NCKAP5: variants seen among roughly 807,000 people sequenced by gnomAD.
The protein encoded by NCKAP5 is NCK associated protein 5.
A neutral mutation model predicts 167.0 loss-of-function variants in NCKAP5; 92 were observed. The observed-to-expected ratio is 0.55, with a 90% CI of 0.47 to 0.66. The LOEUF (loss-of-function observed/expected upper bound fraction) is 0.66, where lower values mean the gene tolerates loss of function less well. Ranked by LOEUF, NCKAP5 falls within the 30% of genes least tolerant of loss-of-function variation. The pLI is 0.00. For missense variants in NCKAP5, 2,378 were observed against 2,315.0 expected (o/e 1.03, Z -0.56); for synonymous variants, 891 against 877.4 (o/e 1.02, Z -0.27).
chr2:133,090,498 C>A (rs539315849), intron 6 of NCKAP5, among the ~76,000 whole-genome samples: 7 of 152,054 alleles, frequency 4.6e-5, no homozygotes, highest in Non-Finnish European at 1.0e-4. Flanking sequence ...TGGCTGGCAG[C>A]CACCAGAAGC....
chr2:133,504,533 C>G (rs987681400), intron 3 of NCKAP5, among the ~76,000 whole-genome samples: 6 of 151,908 alleles, frequency 3.9e-5, no homozygotes, highest in African/African-American at 9.7e-5. Flanking sequence ...ATGTTTCTGC[C>G]TGATTCAAGT....
intron 3 of NCKAP5, among the ~76,000 whole-genome samples, chr2:133,439,913 A>G (rs1358633221): frequency 6.6e-6 from 1 of 152,222 alleles, no homozygotes. Context: ...TAATACTGGG[A>G]CTGTCCAGGA....
the NCKAP5 span, among the ~76,000 whole-genome samples, chr2:133,666,387 G>A: frequency 2.6e-5 from 4 of 151,648 alleles, no homozygotes; most frequent in East Asian, 5.8e-4. Flanking sequence ...TAGTAGGGAC[G>A]GGGTTTCAAC....
At chr2:133,278,818 G>T (rs1208910743) in intron 4 of NCKAP5, among the ~76,000 whole-genome samples, 1 of 150,874 alleles carries the variant, frequency 6.6e-6, no homozygotes, top group Admixed American at 6.6e-5. Flanking sequence ...AAATAAGGGG[G>T]AAAGGCCAAA....
intron 2 of NCKAP5, among the ~76,000 whole-genome samples, chr2:133,555,866 A>G (rs1687704967): frequency 6.6e-6 from 1 of 152,250 alleles, no homozygotes; most frequent in Non-Finnish European, 1.5e-5. Context: ...CCAAAATTGG[A>G]AAATATCCAA....
chr2:133,286,008 T>TG (rs1261010335), intron 4 of NCKAP5, among the ~76,000 whole-genome samples: 2 of 151,958 alleles, frequency 1.3e-5, no homozygotes, highest in East Asian at 1.9e-4. Flanking sequence ...TCTTTTTTTT[T>TG]TTTTTGAGGT....
Position 132,878,876 on chromosome 2 carries a change from C to T in NCKAP5, c.620G>A (p.Arg207Lys), listed in dbSNP as rs748546671. Residue 207 changes from arginine (R) to lysine (K), a missense_variant, in exon 9 of 20, where the codon AGG becomes AAG. By Grantham distance (26) the Arg-to-Lys change is conservative (BLOSUM62 2). Coordinates refer to ENST00000409261, the MANE Select transcript of NCKAP5 (RefSeq NM_207363.3). ...ATCAAGACATCGCTCATATTGTTCC[C>T]TTTGATTTTCATTCTCCAAAGCCAA... ...SALALENENQ[R>K]EQYERCLDEV... The T allele has an allele frequency of 1.2e-6, 2 of 1,613,708 alleles. No individual in the cohort carries two copies. Among genetic ancestry groups the T allele is most frequent in the Non-Finnish European group, 8.5e-7 (1 of 1,179,740 alleles).
intron 10 of NCKAP5, among the ~76,000 whole-genome samples, chr2:132,864,303 A>G (rs1690167663): frequency 6.6e-6 from 1 of 152,060 alleles, no homozygotes; most frequent in Non-Finnish European, 1.5e-5. Flanking sequence ...TAACATAAAT[A>G]TTTATCATGG....
intron 6 of NCKAP5, among the ~76,000 whole-genome samples, chr2:133,001,257 C>A (rs2077769001): frequency 6.7e-6 from 1 of 149,016 alleles, no homozygotes; most frequent in African/African-American, 2.5e-5. Context: ...CACTCTGTCA[C>A]CCAGGCTGGA....
At chr2:133,311,433 T>C (rs1681224340) in intron 3 of NCKAP5, among the ~76,000 whole-genome samples, 1 of 152,192 alleles carries the variant, frequency 6.6e-6, no homozygotes, top group African/African-American at 2.4e-5. Flanking sequence ...TTCAGCTATC[T>C]GGAAGCCCCT....
intron 13 of NCKAP5, among the ~76,000 whole-genome samples, chr2:132,786,650 T>A (rs1683590592): frequency 6.6e-6 from 1 of 151,164 alleles, no homozygotes; most frequent in Non-Finnish European, 1.5e-5. Context: ...TAATAAGAAA[T>A]GGAAGGGGGA....
chr2:132,687,052 A>G (rs1686037911), intron 19 of NCKAP5, among the ~76,000 whole-genome samples: 1 of 152,204 alleles, frequency 6.6e-6, no homozygotes, highest in African/African-American at 2.4e-5. Flanking sequence ...AAACAGTTTT[A>G]TGACAAAAAA....
chr2:132,923,880 A>G (rs1340415655), intron 8 of NCKAP5, among the ~76,000 whole-genome samples: 1 of 152,210 alleles, frequency 6.6e-6, no homozygotes. Context: ...ACCTTTTATG[A>G]ACATAAAAAT....
intron 8 of NCKAP5, among the ~76,000 whole-genome samples, chr2:132,927,944 G>A (rs1696041844): frequency 6.6e-6 from 1 of 152,108 alleles, no homozygotes; most frequent in Non-Finnish European, 1.5e-5. Flanking sequence ...TTTCTTGCAT[G>A]TTGACTCATA....
chr2:132,850,662 T>C (rs1689006506), intron 11 of NCKAP5, among the ~76,000 whole-genome samples: 1 of 152,156 alleles, frequency 6.6e-6, no homozygotes, highest in African/African-American at 2.4e-5. Flanking sequence ...CCCAGTTTCA[T>C]AGAAACACTT....
At chr2:133,207,291 C>T (rs1042165622) in intron 5 of NCKAP5, among the ~76,000 whole-genome samples, 2 of 152,148 alleles carry the variant, frequency 1.3e-5, no homozygotes, top group African/African-American at 2.4e-5. Flanking sequence ...CCAACTGACA[C>T]TTAGGGAAAA....
chr2:133,670,925 C>T, the NCKAP5 span, among the ~76,000 whole-genome samples: 2 of 152,068 alleles, frequency 1.3e-5, no homozygotes, highest in African/African-American at 4.8e-5. Flanking sequence ...TTTCAAGAAA[C>T]AAAGATGAGG....
intron 7 of NCKAP5, among the ~76,000 whole-genome samples, chr2:132,975,695 C>A (rs2076959042): frequency 6.6e-6 from 1 of 150,528 alleles, no homozygotes; most frequent in Non-Finnish European, 1.5e-5. Flanking sequence ...ATAAGCTGGG[C>A]AGATAGAAAC....
At chr2:133,521,122 C>T (rs1253445651) in intron 2 of NCKAP5, among the ~76,000 whole-genome samples, 2 of 152,170 alleles carry the variant, frequency 1.3e-5, no homozygotes, top group African/African-American at 4.8e-5. Context: ...AAGGCTGAAA[C>T]ATTCCATTGA....
Sources: allele counts gnomAD v4.1 joint callset (sites outside exome capture counted in the v4.1 genomes callset), GRCh38; gene constraint gnomAD v4.1.1; transcripts MANE v1.5; gene names NCBI Gene and HGNC (gene_info 2026-07-23, HGNC 2026-07-21).